The following HIF1A variants were observed in gnomAD, a reference collection of about 807,000 sequenced individuals.
The protein encoded by HIF1A is hypoxia inducible factor 1 subunit alpha, also known as hypoxia-inducible factor 1-alpha.
Under a neutral mutation model 92.7 loss-of-function variants are expected in HIF1A, and 24 were observed. The ratio of observed to expected loss-of-function variants is 0.26; its 90% CI spans 0.19 to 0.36. HIF1A has a LOEUF of 0.36. Ranked by LOEUF, HIF1A falls within the 10% of genes least tolerant of loss-of-function variation. The pLI, the probability that HIF1A is intolerant of heterozygous loss-of-function variation, is 1.00. For synonymous variants in HIF1A, 319 were observed against 338.7 expected, an observed-to-expected ratio of 0.94 and a Z score of 0.64; for missense variants, 799 against 998.5, an observed-to-expected ratio of 0.80 and a Z score of 2.69.
chr14:61,713,970 G>A (rs2044335823), intron 1 of HIF1A, among the ~76,000 whole-genome samples: 1 of 152,198 alleles, frequency 6.6e-6, no homozygotes, highest in Admixed American at 6.5e-5. Context: ...CTCCCGATAG[G>A]GTTGCAGAAG....
At chr14:61,707,882 A>G (rs1229065323) in intron 1 of HIF1A, among the ~76,000 whole-genome samples, 10 of 151,956 alleles carry the variant, frequency 6.6e-5, no homozygotes, top group African/African-American at 2.4e-4. Context: ...GAATCGCCAC[A>G]CTGACTTCCA....
chr14:61,701,986 T>A (rs1423216864), intron 1 of HIF1A, among the ~76,000 whole-genome samples: 1 of 151,324 alleles, frequency 6.6e-6, no homozygotes, highest in Non-Finnish European at 1.5e-5. Context: ...AGACTGTGTT[T>A]CAAAAAAATT....
chr14:61,734,182 G>A lies in HIF1A; in HGVS notation c.925G>A (p.Ala309Thr). 1 of 1,612,958 alleles carries A rather than the reference G, an allele frequency of 6.2e-7. No homozygotes were observed. The highest frequency in any genetic ancestry group is 8.5e-7 in the Non-Finnish European group (1 of 1,179,162). The change falls in exon 8 of 15, where the codon GCC becomes ACC. Residue 309 changes from alanine (A) to threonine (T), a missense_variant. Transcript: ENST00000337138. ...QVTTGQYRMLAKRGGYVWVET... is the reference protein window; with the variant it reads ...QVTTGQYRMLTKRGGYVWVET... ...CACCACAGGACAGTACAGGATGCTT[G>A]CCAAAAGAGGTGGATATGTCTGGGT...
chr14:61,739,674 A>G (rs2044682933), intron 10 of HIF1A, among the ~76,000 whole-genome samples: 1 of 152,260 alleles, frequency 6.6e-6, no homozygotes, highest in Non-Finnish European at 1.5e-5. Flanking sequence ...TTTCTTGTTT[A>G]GAATACACAG....
intron 13 of HIF1A, 46 bp downstream of exon 13, chr14:61,744,859 TC>T: frequency 1.3e-6 from 1 of 755,838 alleles, no homozygotes; most frequent in Admixed American, 2.2e-5. Flanking sequence ...ATGTGCTATT[TC>T]GTGTGTGTGT....
In HIF1A at chr14:61,695,535, G is replaced by A. The variant is rs956249304; in HGVS notation, c.-270G>A. ...CTCAGTGCACAGTGCTGCCTCGTCT[G>A]AGGGGACAGGAGGATCACCCTCTTC... On this transcript the variant is annotated 5_prime_UTR_variant, in exon 1 of 15. Transcript: ENST00000337138. 1 of 554,384 alleles carries A rather than the reference G, an allele frequency of 1.8e-6. No individual in the cohort carries two copies. Among genetic ancestry groups the A allele is most frequent in the Non-Finnish European group, 3.2e-6 (1 of 313,630 alleles). The allele number at this position is 554,384 out of a possible 1,614,324, so 34.3% of individuals were successfully genotyped here.
At chr14:61,742,545 G>T (rs2044724628) in intron 12 of HIF1A, among the ~76,000 whole-genome samples, 1 of 152,116 alleles carries the variant, frequency 6.6e-6, no homozygotes, top group Non-Finnish European at 1.5e-5. Flanking sequence ...GCATTTTAGT[G>T]ATACTAATAC....
At chr14:61,722,340 G>A (rs183264200) in intron 4 of HIF1A, among the ~76,000 whole-genome samples, 14 of 152,148 alleles carry the variant, frequency 9.2e-5, no homozygotes, top group South Asian at 2.1e-4. Flanking sequence ...CTCTCACCTC[G>A]GCCTCTCAAA....
intron 8 of HIF1A, among the ~76,000 whole-genome samples, chr14:61,735,917 G>A (rs2044630894): frequency 6.6e-6 from 1 of 152,020 alleles, no homozygotes; most frequent in South Asian, 2.1e-4. Flanking sequence ...AGATTTGTTG[G>A]TGTCTTTCAT....
chr14:61,727,244 G>A (rs1389249169), intron 5 of HIF1A, among the ~76,000 whole-genome samples: 2 of 152,216 alleles, frequency 1.3e-5, no homozygotes, highest in Non-Finnish European at 2.9e-5. Context: ...ATTTTTTAAA[G>A]AGTAATGTAT....
At chr14:61,711,207 C>CTT (rs10615564) in intron 1 of HIF1A, among the ~76,000 whole-genome samples, 1,417 of 86,070 alleles carry the variant, frequency 0.016, 62 homozygotes, top group African/African-American at 0.037. Flanking sequence ...TTAAGTATTC[C>CTT]TTTTTTTTTT....
chr14:61,745,312 A>G (rs1439058162), intron 13 of HIF1A, among the ~76,000 whole-genome samples: 1 of 152,028 alleles, frequency 6.6e-6, no homozygotes, highest in African/African-American at 2.4e-5. Context: ...AATCCCAGCC[A>G]CTCTGGAGGC....
chr14:61,726,687 T>C lies in HIF1A; in HGVS notation c.458-19T>C, dbSNP rs1380431271. ...TGTATATTTAGTTGCTTTAAAACTT[T>C]ATTTCATGCTTTCATTAGGCCTTGT... On this transcript the variant is annotated intron_variant, in intron 4 of 14. Transcript: ENST00000337138. The C allele has an allele frequency of 1.3e-6, 2 of 1,498,088 alleles. No homozygotes were observed. Among genetic ancestry groups the C allele is most frequent in the Admixed American group, 2.1e-5 (1 of 47,498 alleles). The allele number at this position is 1,498,088 out of a possible 1,614,324, so 92.8% of individuals were successfully genotyped here. A position where few individuals can be genotyped will look rare whatever the true frequency, so the allele number is the denominator to read the frequency against.
rs2044695749 is a variant in HIF1A at position 61,740,454 on chromosome 14, A to C, written c.1537-51A>C. 7 of 1,373,820 alleles carry C rather than the reference A, an allele frequency of 5.1e-6. No homozygotes were observed. The East Asian group carries it at 7.1e-5, about 14-fold the overall frequency. 85.1% of individuals were successfully genotyped at this position (1,373,820 alleles called of 1,614,324 possible). A position where few individuals can be genotyped will look rare whatever the true frequency, so the allele number is the denominator to read the frequency against. On this transcript the variant is annotated intron_variant, in intron 10 of 14. Transcript: ENST00000337138. The stretch of plus-strand genomic sequence containing the variant: ...TAGTTTGAAAATTCTGACAACTAGC[A>C]AAGTATATGGAAGCTTCTTCAGGAA...
rs1053786420 is a variant in HIF1A at position 61,747,375 on chromosome 14, T to G, written c.*290T>G. 1 of 207,870 alleles carries G rather than the reference T, an allele frequency of 4.8e-6. No individual in the cohort carries two copies. The highest frequency in any genetic ancestry group is 2.3e-5 in the African/African-American group (1 of 43,572). The allele number at this position is 207,870 out of a possible 1,614,324, so 12.9% of individuals were successfully genotyped here. A position where few individuals can be genotyped will look rare whatever the true frequency, so the allele number is the denominator to read the frequency against. On this transcript the variant is annotated 3_prime_UTR_variant, in exon 15 of 15. Coordinates refer to ENST00000337138, the MANE Select transcript of HIF1A (RefSeq NM_001530.4). ...ACCTTTTTATTTATTTATTTTTGGC[T>G]AGGGAGTTTATCCCTTTTTCGAATT...
intron 1 of HIF1A, among the ~76,000 whole-genome samples, chr14:61,711,250 T>A (rs1206221152): frequency 6.8e-6 from 1 of 146,242 alleles, no homozygotes; most frequent in Non-Finnish European, 1.5e-5. Context: ...TCTTGCTCTG[T>A]CTGGAGTGCA....
intron 1 of HIF1A, among the ~76,000 whole-genome samples, chr14:61,707,069 T>C (rs1161172622): frequency 1.3e-5 from 2 of 152,232 alleles, no homozygotes; most frequent in Non-Finnish European, 2.9e-5. Flanking sequence ...GTAGGTTTTT[T>C]AAAGAGAAAA....
intron 10 of HIF1A, among the ~76,000 whole-genome samples, chr14:61,739,774 G>A (rs942348995): frequency 2.6e-5 from 4 of 152,000 alleles, no homozygotes; most frequent in African/African-American, 9.7e-5. Flanking sequence ...AATAACTTAG[G>A]TTTCTACTCC....
chr14:61,736,855 A>C (rs953213236), intron 8 of HIF1A, 34 bp from the exon 9 acceptor site: 3 of 1,467,346 alleles, frequency 2.0e-6, no homozygotes, highest in Non-Finnish European at 2.9e-6. Context: ...TCAAGTGCTC[A>C]TTTGTGAATT....
Sources: allele counts gnomAD v4.1 joint callset (sites outside exome capture counted in the v4.1 genomes callset), GRCh38; gene constraint gnomAD v4.1.1; transcripts MANE v1.5; gene names NCBI Gene and HGNC (gene_info 2026-07-23, HGNC 2026-07-21).